The following NUMA1 variants were observed in gnomAD, a reference collection of about 807,000 sequenced individuals.
NUMA1 encodes the protein SP-H antigen.
NUMA1 carries 62 observed loss-of-function variants against 237.1 expected under a neutral mutation model. The observed-to-expected ratio is 0.26, with a 90% CI of 0.21 to 0.32. The LOEUF is 0.32. Among genes scored for constraint, NUMA1 ranks in the 10% least tolerant of loss-of-function variants. The pLI is 1.00. For synonymous variants in NUMA1, 1,028 were observed against 1,066.1 expected (o/e 0.96, Z 0.70); for missense variants, 2,533 against 2,666.5 (o/e 0.95, Z 1.10).
chr11:72,020,804 G>A lies in NUMA1; in HGVS notation c.460+400C>T, dbSNP rs574397267. Reference sequence around the variant, plus strand: ...GGAGAATTGCTTGAACACGGGAAGTGGAGATTGCAGTGAGCTGAGATCGCA... The same window carrying A: ...GGAGAATTGCTTGAACACGGGAAGTAGAGATTGCAGTGAGCTGAGATCGCA... On this transcript the variant is annotated intron_variant, in intron 8 of 26. Coordinates refer to ENST00000393695, the MANE Select transcript of NUMA1 (RefSeq NM_006185.4). The A allele has an allele frequency of 3.0e-4, 47 of 154,952 alleles. No individual in the cohort carries two copies. The East Asian group carries it at 5.9e-3, about 19-fold the overall frequency. The allele number at this position is 154,952 out of a possible 1,614,324, so 9.6% of individuals were successfully genotyped here. A position where few individuals can be genotyped will look rare whatever the true frequency, so the allele number is the denominator to read the frequency against.
chr11:72,007,198 G>A lies in NUMA1; in HGVS notation c.5454C>T (p.Thr1818=). Residue 1818 remains threonine (T), a synonymous_variant, in exon 21 of 27, where the codon ACC becomes ACT. Coordinates refer to ENST00000393695, the MANE Select transcript of NUMA1 (RefSeq NM_006185.4). The part of the protein sequence containing the change: ...RRRTTQIINI[T]MTKKLDVEEP... Reference sequence around the variant, plus strand: ...GTCCCAGCAGCCTGACCTTGGTCATGGTGATGTTGATGATCTGCGTGGTGC... The same window carrying A: ...GTCCCAGCAGCCTGACCTTGGTCATAGTGATGTTGATGATCTGCGTGGTGC... 1 of 1,609,174 alleles carries A rather than the reference G, an allele frequency of 6.2e-7. No individual in the cohort carries two copies. The highest frequency in any genetic ancestry group is 8.5e-7 in the Non-Finnish European group (1 of 1,179,928).
intron 4 of NUMA1, 28 bp from the exon 5 acceptor site, chr11:72,024,381 G>T: frequency 1.2e-6 from 2 of 1,601,938 alleles, no homozygotes; most frequent in Non-Finnish European, 1.7e-6. Flanking sequence ...ATTAGGACCA[G>T]AGTATTCAGC....
intron 17 of NUMA1, among the ~76,000 whole-genome samples, chr11:72,010,422 G>A (rs1299152073): frequency 6.6e-6 from 1 of 152,226 alleles, no homozygotes; most frequent in Non-Finnish European, 1.5e-5. Flanking sequence ...ATGCAATGGT[G>A]GAATGTTCTG....
Position 72,005,316 on chromosome 11 carries a change from C to T in NUMA1, c.5746G>A (p.Asp1916Asn), listed in dbSNP as rs1298253721. ...TCQDEPEQLD[D>N]WNRIAELQQR... ...TGCAGCTCTGCAATGCGGTTCCAGT[C>T]ATCCAGCTGCTCAGGCTCATCCTGG... The change falls in exon 23 of 27, where the codon GAC becomes AAC. Residue 1916 changes from aspartate (D) to asparagine (N), a missense_variant. Physicochemically the swap from Asp to Asn is conservative, Grantham distance 23. This residue lies in a region of NUMA1 where 795 missense variants were observed against 750.8 expected (regional missense o/e 1.06). Transcript: ENST00000393695. The T allele has an allele frequency of 6.2e-7, 1 of 1,608,334 alleles. No individual in the cohort carries two copies. Among genetic ancestry groups the T allele is most frequent in the African/African-American group, 1.3e-5 (1 of 74,476 alleles).
At chr11:72,038,383 C>T (rs1018926128) in intron 2 of NUMA1, among the ~76,000 whole-genome samples, 2 of 152,138 alleles carry the variant, frequency 1.3e-5, no homozygotes, top group Non-Finnish European at 1.5e-5. Context: ...CACAGAAATA[C>T]GAGGAACCCA....
intron 2 of NUMA1, among the ~76,000 whole-genome samples, chr11:72,053,600 T>C (rs1030416729): frequency 1.3e-5 from 2 of 152,244 alleles, no homozygotes; most frequent in Non-Finnish European, 2.9e-5. Context: ...AGTTCTATAG[T>C]TCTGTAAAGC....
chr11:72,017,848 T>A, intron 12 of NUMA1, 21 bp from the exon 13 acceptor site: 2 of 1,492,950 alleles, frequency 1.3e-6, no homozygotes, highest in Non-Finnish European at 1.8e-6. Flanking sequence ...CAAGTGAGAA[T>A]CCCCATCACC....
At chr11:72,011,952 A>G (rs912613773) in intron 16 of NUMA1, among the ~76,000 whole-genome samples, 1 of 152,160 alleles carries the variant, frequency 6.6e-6, no homozygotes, top group Non-Finnish European at 1.5e-5. Flanking sequence ...GCTGCCTCGC[A>G]TATCACCTTC....
chr11:72,020,598 C>A (rs1416406233), intron 8 of NUMA1: 1 of 152,156 alleles, frequency 6.6e-6, no homozygotes, highest in African/African-American at 2.4e-5. Flanking sequence ...GTGGGCCGGG[C>A]GCAGTGGCTC....
At chr11:72,042,465 G>C (rs1449997681) in intron 2 of NUMA1, among the ~76,000 whole-genome samples, 3 of 152,324 alleles carry the variant, frequency 2.0e-5, no homozygotes, top group Admixed American at 6.5e-5. Flanking sequence ...GTTTAGAATA[G>C]GGAAGGATTA....
rs200361756 is a variant in NUMA1 at position 72,016,045 on chromosome 11, C to T, written c.1458G>A (p.Glu486=). 1.9e-6 allele frequency: 3 copies of T among 1,614,026 alleles called. No homozygotes were observed. Among genetic ancestry groups the T allele is most frequent in the African/African-American group, 1.3e-5 (1 of 74,944 alleles). Residue 486 remains glutamate (E), a synonymous_variant, in exon 15 of 27, where the codon GAG becomes GAA. Transcript: ENST00000393695. ...GGGCCCCATGAGCCTGGGAGGCCTGCTCCAGCTCTTCCTTGGCCTGGCTGA... is the reference window on the plus strand; with the variant it reads ...GGGCCCCATGAGCCTGGGAGGCCTGTTCCAGCTCTTCCTTGGCCTGGCTGA... The part of the protein sequence containing the change: ...SNLSQAKEEL[E]QASQAHGARL...
intron 16 of NUMA1, 93 bp from the exon 17 acceptor site, chr11:72,010,947 G>C: frequency 9.2e-7 from 1 of 1,087,426 alleles, no homozygotes; most frequent in South Asian, 1.3e-5. Context: ...CCCAGACCAG[G>C]ATCCCCAGTG....
chr11:72,019,448 G>A, intron 9 of NUMA1, 46 bp downstream of exon 9: 2 of 1,603,400 alleles, frequency 1.2e-6, no homozygotes, highest in Non-Finnish European at 1.7e-6. Flanking sequence ...GTGAGGAATG[G>A]ATGGATGCTG....
chr11:72,046,737 ATTGT>A (rs929796253), intron 2 of NUMA1, among the ~76,000 whole-genome samples: 1 of 152,094 alleles, frequency 6.6e-6, no homozygotes, highest in Non-Finnish European at 1.5e-5. Flanking sequence ...AGGTGGGCAG[ATTGT>A]TTGAGCTCAA....
chr11:72,042,395 A>G, intron 2 of NUMA1, among the ~76,000 whole-genome samples: 1 of 152,242 alleles, frequency 6.6e-6, no homozygotes, highest in East Asian at 1.9e-4. Flanking sequence ...TATGACTTGA[A>G]GATTAATTTC....
chr11:72,005,457 C>G (rs2134419705), intron 22 of NUMA1, 88 bp from the exon 23 acceptor site: 2 of 1,311,452 alleles, frequency 1.5e-6, no homozygotes, highest in East Asian at 4.8e-5. Flanking sequence ...TTTGCTGCCA[C>G]CTACCCCATA....
At chr11:72,035,133 A>G in intron 3 of NUMA1, among the ~76,000 whole-genome samples, 1 of 152,136 alleles carries the variant, frequency 6.6e-6, no homozygotes, top group Non-Finnish European at 1.5e-5. Context: ...CTGGGATTAC[A>G]GGTGTGAGCC....
intron 9 of NUMA1, among the ~76,000 whole-genome samples, chr11:72,019,182 T>G (rs1938368015): frequency 6.6e-6 from 1 of 151,668 alleles, no homozygotes; most frequent in Admixed American, 6.6e-5. Context: ...TTAATTTCTT[T>G]GTCAGAAAAA....
At chr11:72,048,002 T>G (rs1942097357) in intron 2 of NUMA1, 1 of 152,234 alleles carries the variant, frequency 6.6e-6, no homozygotes, top group Non-Finnish European at 1.5e-5. Context: ...CTGGGCAGTT[T>G]TAAAAATGAA....
Sources: allele counts gnomAD v4.1 joint callset (sites outside exome capture counted in the v4.1 genomes callset), GRCh38; gene constraint gnomAD v4.1.1; regional missense constraint gnomAD v4.1.1; transcripts MANE v1.5; gene names NCBI Gene and HGNC (gene_info 2026-07-23, HGNC 2026-07-21).